The following ZNF385D variants were observed in gnomAD, a reference collection of about 807,000 sequenced individuals.
ZNF385D encodes zinc finger protein 659.
Under a neutral mutation model 35.8 loss-of-function variants are expected in ZNF385D, and 15 were observed. The ratio of observed to expected loss-of-function variants is 0.42; its 90% CI spans 0.28 to 0.64. The LOEUF is 0.64. Ranked by LOEUF, ZNF385D falls within the 30% of genes least tolerant of loss-of-function variation. The pLI is 0.23. For synonymous variants in ZNF385D, 212 were observed against 186.8 expected (o/e 1.13, Z -1.10); for missense variants, 474 against 494.6 (o/e 0.96, Z 0.39).
intron 3 of ZNF385D, among the ~76,000 whole-genome samples, chr3:22,059,029 A>C (rs868809679): frequency 6.6e-6 from 1 of 152,200 alleles, no homozygotes; most frequent in Non-Finnish European, 1.5e-5. Context: ...ATTTGAGGAA[A>C]AGGAAAAGGA....
In ZNF385D at chr3:21,546,233, T is replaced by C. The variant is rs1340381052; in HGVS notation, c.276+18341A>G. Among the ~76,000 whole-genome samples, 3 of 152,264 alleles carry C rather than the reference T, an allele frequency of 2.0e-5. No homozygotes were observed. In the East Asian group the frequency reaches 5.8e-4, roughly 30 times the overall value. On this transcript the variant is annotated intron_variant, in intron 3 of 7. Transcript: ENST00000281523. ...TTCCTGTGACCCTACCAGCAATCTC[T>C]GGCTGCAGCTCAGAAAGAACTAACA...
chr3:21,871,626 C>G (rs1028674786), intron 3 of ZNF385D, among the ~76,000 whole-genome samples: 1 of 152,072 alleles, frequency 6.6e-6, no homozygotes, highest in Non-Finnish European at 1.5e-5. Flanking sequence ...TCTATCTATG[C>G]CTCTTTGTGA....
At chr3:22,298,163 A>T (rs1702694028) in intron 2 of ZNF385D, among the ~76,000 whole-genome samples, 1 of 152,016 alleles carries the variant, frequency 6.6e-6, no homozygotes, top group Non-Finnish European at 1.5e-5. Flanking sequence ...AATGTAAGCT[A>T]TTAAAGATAA....
At chr3:22,006,714 C>CT (rs910914835) in intron 3 of ZNF385D, among the ~76,000 whole-genome samples, 27 of 151,476 alleles carry the variant, frequency 1.8e-4, no homozygotes, top group Admixed American at 6.6e-4. Context: ...TGCTGAGAAG[C>CT]TTTTTTTTGT....
intron 3 of ZNF385D, among the ~76,000 whole-genome samples, chr3:22,116,399 A>C (rs966308509): frequency 9.2e-5 from 14 of 152,224 alleles, no homozygotes; most frequent in African/African-American, 3.4e-4. Context: ...AGAACTACTC[A>C]GATTATTTTG....
At chr3:22,132,115 G>T (rs1703834384) in intron 3 of ZNF385D, among the ~76,000 whole-genome samples, 1 of 152,116 alleles carries the variant, frequency 6.6e-6, no homozygotes, top group African/African-American at 2.4e-5. Context: ...GCTATGGTCT[G>T]AATATTAGTG....
intron 3 of ZNF385D, among the ~76,000 whole-genome samples, chr3:21,824,124 G>A (rs934315335): frequency 3.3e-5 from 5 of 152,138 alleles, no homozygotes; most frequent in Admixed American, 6.5e-5. Flanking sequence ...ATGACAAAAG[G>A]TGATTAATTA....
chr3:22,125,265 C>A (rs895193364), intron 3 of ZNF385D, among the ~76,000 whole-genome samples: 1 of 151,976 alleles, frequency 6.6e-6, no homozygotes. Flanking sequence ...TTCTCTTTCA[C>A]TAGTGTATGC....
intron 2 of ZNF385D, among the ~76,000 whole-genome samples, chr3:22,274,204 T>G (rs1449750014): frequency 6.6e-6 from 1 of 151,922 alleles, no homozygotes; most frequent in Non-Finnish European, 1.5e-5. Context: ...ATATAGCACT[T>G]AGAAGAAAGA....
intron 2 of ZNF385D, among the ~76,000 whole-genome samples, chr3:22,183,990 A>C (rs1018090581): frequency 2.0e-5 from 3 of 152,162 alleles, no homozygotes. Context: ...TATGAGTTTC[A>C]CTTTGTCAGT....
intron 2 of ZNF385D, among the ~76,000 whole-genome samples, chr3:21,606,828 A>C (rs2064498895): frequency 6.6e-6 from 1 of 152,218 alleles, no homozygotes; most frequent in African/African-American, 2.4e-5. Context: ...TGGAGGCAGA[A>C]AGCTGCTAGC....
At chr3:21,739,797 G>A (rs890630166) in intron 1 of ZNF385D, among the ~76,000 whole-genome samples, 9 of 152,142 alleles carry the variant, frequency 5.9e-5, no homozygotes, top group East Asian at 1.9e-4. Flanking sequence ...AGGGAGTACC[G>A]AGTCAGGTCT....
intron 2 of ZNF385D, among the ~76,000 whole-genome samples, chr3:22,315,569 C>T (rs1293791428): frequency 1.3e-5 from 2 of 152,078 alleles, no homozygotes; most frequent in African/African-American, 4.8e-5. Flanking sequence ...AACATAAATT[C>T]AAAACGGAAG....
At chr3:21,677,794 A>C (rs2066775809) in intron 1 of ZNF385D, among the ~76,000 whole-genome samples, 1 of 152,006 alleles carries the variant, frequency 6.6e-6, no homozygotes, top group Non-Finnish European at 1.5e-5. Flanking sequence ...CAATTCTGTT[A>C]GTCCTTAATA....
At chr3:22,163,132 G>A (rs1034965135) in intron 3 of ZNF385D, among the ~76,000 whole-genome samples, 2 of 152,108 alleles carry the variant, frequency 1.3e-5, no homozygotes, top group Non-Finnish European at 2.9e-5. Flanking sequence ...GCTGCTATAA[G>A]AGAAGGAACG....
intron 1 of ZNF385D, among the ~76,000 whole-genome samples, chr3:21,674,184 T>C (rs2066655483): frequency 6.6e-6 from 1 of 152,108 alleles, no homozygotes; most frequent in South Asian, 2.1e-4. Flanking sequence ...AGTAAGATGG[T>C]AATGTCTGAT....
chr3:22,306,000 T>C (rs1193043051), intron 2 of ZNF385D, among the ~76,000 whole-genome samples: 1 of 152,182 alleles, frequency 6.6e-6, no homozygotes, highest in African/African-American at 2.4e-5. Flanking sequence ...TCACTCCTTT[T>C]AGCTGTTTCT....
chr3:21,608,642 C>T (rs567232310), intron 2 of ZNF385D, among the ~76,000 whole-genome samples: 2 of 152,214 alleles, frequency 1.3e-5, no homozygotes, highest in South Asian at 4.1e-4. Flanking sequence ...ACAAAGAGTT[C>T]AAAAAATGTC....
chr3:21,821,173 A>G (rs1694198453), intron 3 of ZNF385D, among the ~76,000 whole-genome samples: 1 of 152,078 alleles, frequency 6.6e-6, no homozygotes. Context: ...ATTTTATGAG[A>G]CAAGAATAGT....
Sources: allele counts gnomAD v4.1 joint callset (sites outside exome capture counted in the v4.1 genomes callset), GRCh38; gene constraint gnomAD v4.1.1; transcripts MANE v1.5; gene names NCBI Gene and HGNC (gene_info 2026-07-23, HGNC 2026-07-21).